Variants in NFXL1 observed in about 807,000 individuals in gnomAD.
NFXL1 encodes NF-X1-type zinc finger protein NFXL1.
Under a neutral mutation model 123.3 loss-of-function variants are expected in NFXL1, and 66 were observed. The observed-to-expected ratio is 0.54, with a 90% CI of 0.44 to 0.66. The LOEUF is 0.66. Among genes scored for constraint, NFXL1 ranks in the 30% least tolerant of loss-of-function variants. NFXL1 has a pLI of 0.00. For synonymous variants in NFXL1, 346 were observed against 360.8 expected (o/e 0.96, Z 0.46); for missense variants, 944 against 1,125.6 (o/e 0.84, Z 2.31).
rs543373685 is a variant in NFXL1, at chr4:47,890,299, T to C, written c.1543+314A>G. Among the ~76,000 whole-genome samples, 5 of 152,198 alleles carry C rather than the reference T, an allele frequency of 3.3e-5. No homozygotes were observed. In the South Asian group the frequency reaches 1.0e-3, roughly 32 times the overall value. The stretch of plus-strand genomic sequence containing the variant: ...AACACCTTCATTGATTAAAAAATTA[T>C]GTGGGGAAAGTCAGGAAGTGGGAAA... On this transcript the variant is annotated intron_variant, in intron 12 of 22. Transcript: ENST00000507489.
chr4:47,908,940 G>C (rs1203688776), intron 3 of NFXL1, among the ~76,000 whole-genome samples: 3 of 130,390 alleles, frequency 2.3e-5, no homozygotes, highest in Non-Finnish European at 4.8e-5. Flanking sequence ...GGGCGACAGA[G>C]TGAGACTCCG....
At position 47,906,152 on chromosome 4, in the gene NFXL1, T is replaced by C. The variant is rs940312871; in HGVS notation, c.407-806A>G. On this transcript the variant is annotated intron_variant, in intron 3 of 22. Transcript: ENST00000507489. ...CAACAAATAACAAGCAACAGCAAAA[T>C]GAAAAACAGAATGAGTCCTCTAAAG... 7.2e-5 allele frequency among the ~76,000 whole-genome samples: 11 copies of C among 151,914 alleles called. 1 individual carries two copies. Among genetic ancestry groups the C allele is most frequent in the Admixed American group, 6.6e-4 (10 of 15,252 alleles).
chr4:47,865,550 T>C (rs982418006), intron 18 of NFXL1, among the ~76,000 whole-genome samples: 1 of 148,696 alleles, frequency 6.7e-6, no homozygotes, highest in African/African-American at 2.5e-5. Flanking sequence ...AGTATTTTCA[T>C]AGAGCTAGTG....
chr4:47,876,549 A>G (rs1735763577), intron 17 of NFXL1, among the ~76,000 whole-genome samples: 1 of 152,276 alleles, frequency 6.6e-6, no homozygotes, highest in African/African-American at 2.4e-5. Flanking sequence ...TGGGAAAGAT[A>G]GTCAGGAGTT....
intron 2 of NFXL1, among the ~76,000 whole-genome samples, chr4:47,911,437 G>A (rs1407002445): frequency 4.6e-5 from 7 of 152,154 alleles, no homozygotes; most frequent in Non-Finnish European, 7.4e-5. Context: ...ACCGTCTTCT[G>A]AACAACAGGT....
chr4:47,884,054 T>A (rs1270155287), intron 15 of NFXL1, among the ~76,000 whole-genome samples: 2 of 152,234 alleles, frequency 1.3e-5, no homozygotes, highest in Non-Finnish European at 2.9e-5. Flanking sequence ...ACAAATGATG[T>A]TCCTTGGATT....
At chr4:47,881,683 G>GT (rs1340559847) in intron 15 of NFXL1, among the ~76,000 whole-genome samples, 1 of 152,068 alleles carries the variant, frequency 6.6e-6, no homozygotes, top group African/African-American at 2.4e-5. Flanking sequence ...TTTATGCAAT[G>GT]TATTATTATT....
chr4:47,910,995 CT>C lies in NFXL1; in HGVS notation c.236-2del. The C allele has an allele frequency of 1.3e-6, 2 of 1,552,068 alleles. No individual in the cohort carries two copies. The highest frequency in any genetic ancestry group is 1.7e-6 in the Non-Finnish European group (2 of 1,149,488). On this transcript the variant is annotated splice_acceptor_variant, in intron 2 of 22. Transcript: ENST00000507489. LOFTEE classifies it high-confidence loss of function. ...TCAAATTTTTTCTGAGACATTAGCT[CT>C]GTTTAAAAGAAAAAAGTTTCATTTC...
At chr4:47,890,493 AG>A in intron 12 of NFXL1, 119 bp downstream of exon 12, 1 of 618,430 alleles carries the variant, frequency 1.6e-6, no homozygotes, top group South Asian at 2.1e-5. Context: ...AGGTTAAGAG[AG>A]TCAAGTGAGA....
At chr4:47,901,869 A>AC (rs1560603374) in intron 5 of NFXL1, among the ~76,000 whole-genome samples, 1 of 152,318 alleles carries the variant, frequency 6.6e-6, no homozygotes, top group Admixed American at 6.5e-5. Flanking sequence ...AGTAACTAGC[A>AC]CATCTAAATG....
rs527355596 is a variant in NFXL1, at chr4:47,857,084, A to G, written c.2317-1921T>C. On this transcript the variant is annotated intron_variant, in intron 19 of 22. Coordinates refer to ENST00000507489, the MANE Select transcript of NFXL1 (RefSeq NM_001278624.2). The stretch of plus-strand genomic sequence containing the variant: ...AAAAGTAACTAACCCTTCCACTTCA[A>G]ATTTATTATATATTTATTGATACAT... 3.9e-5 allele frequency among the ~76,000 whole-genome samples: 6 copies of G among 152,190 alleles called. No homozygotes were observed. In the East Asian group the frequency reaches 9.6e-4, roughly 24 times the overall value.
chr4:47,860,838 A>AG (rs1195023806), intron 19 of NFXL1, among the ~76,000 whole-genome samples: 1 of 151,008 alleles, frequency 6.6e-6, no homozygotes, highest in Non-Finnish European at 1.5e-5. Context: ...GAAACTCTAG[A>AG]GGGGGGCCCA....
intron 15 of NFXL1, among the ~76,000 whole-genome samples, chr4:47,882,573 T>C (rs1338036630): frequency 2.6e-5 from 4 of 152,260 alleles, no homozygotes; most frequent in African/African-American, 9.6e-5. Context: ...ATGTGAGGGA[T>C]AAATGTTAAT....
chr4:47,885,264 C>T (rs1736357899), intron 14 of NFXL1, among the ~76,000 whole-genome samples: 2 of 152,068 alleles, frequency 1.3e-5, no homozygotes, highest in Non-Finnish European at 1.5e-5. Flanking sequence ...GCCAAATTCA[C>T]CTGTATCATG....
At chr4:47,895,171 T>A (rs934324422) in intron 10 of NFXL1, among the ~76,000 whole-genome samples, 4 of 152,186 alleles carry the variant, frequency 2.6e-5, no homozygotes, top group Admixed American at 2.6e-4. Context: ...TGTCCATAGA[T>A]GTGCTGTCAT....
At chr4:47,887,013 A>T (rs1736474852) in intron 12 of NFXL1, among the ~76,000 whole-genome samples, 1 of 152,192 alleles carries the variant, frequency 6.6e-6, no homozygotes, top group Non-Finnish European at 1.5e-5. Flanking sequence ...TATAATCCCA[A>T]ATATTTCTCT....
chr4:47,859,424 A>T (rs1734596847), intron 19 of NFXL1, among the ~76,000 whole-genome samples: 1 of 152,234 alleles, frequency 6.6e-6, no homozygotes, highest in Non-Finnish European at 1.5e-5. Flanking sequence ...TGAAGTGGGT[A>T]TTATTAGTGC....
At chr4:47,896,500 A>G (rs1460942922) in intron 10 of NFXL1, 23 bp downstream of exon 10, 1 of 1,597,064 alleles carries the variant, frequency 6.3e-7, no homozygotes, top group African/African-American at 1.3e-5. Context: ...TCTTAAAAGT[A>G]ATTATTACAG....
chr4:47,883,294 C>T (rs527904852), intron 15 of NFXL1, among the ~76,000 whole-genome samples: 1 of 151,958 alleles, frequency 6.6e-6, no homozygotes, highest in Non-Finnish European at 1.5e-5. Flanking sequence ...TAATTAGGTA[C>T]TTATGACCTA....
Sources: allele counts gnomAD v4.1 joint callset (sites outside exome capture counted in the v4.1 genomes callset), GRCh38; gene constraint gnomAD v4.1.1; transcripts MANE v1.5; gene names NCBI Gene and HGNC (gene_info 2026-07-23, HGNC 2026-07-21).